EPHA3: variants seen among roughly 807,000 people sequenced by gnomAD.
EPHA3 encodes ephrin type-A receptor 3.
In EPHA3, 42 loss-of-function variants were observed where a neutral mutation model predicts 107.1. That is an observed-to-expected ratio of 0.39 (90% CI 0.31 to 0.51). EPHA3 has a LOEUF of 0.51. EPHA3 is among the 20% of genes least tolerant of loss of function. EPHA3 has a pLI of 0.78. For synonymous variants in EPHA3, 461 were observed against 424.8 expected (o/e 1.09, Z -1.05); for missense variants, 1,183 against 1,211.2 (o/e 0.98, Z 0.35).
At chr3:89,266,632 G>A (rs1266595484) in intron 3 of EPHA3, among the ~76,000 whole-genome samples, 11 of 151,532 alleles carry the variant, frequency 7.3e-5, no homozygotes, top group East Asian at 1.9e-4. Flanking sequence ...TAGCATATTC[G>A]GTCATCATTG....
intron 2 of EPHA3, among the ~76,000 whole-genome samples, chr3:89,138,222 T>A (rs1009763442): frequency 2.0e-5 from 3 of 151,864 alleles, no homozygotes; most frequent in African/African-American, 7.2e-5. Context: ...AAAAGACGCG[T>A]TTCCCTGGCA....
In EPHA3 at chr3:89,204,499, CA is replaced by C. The variant is rs1442263427; in HGVS notation, c.154-5360del. On this transcript the variant is annotated intron_variant, in intron 2 of 16. Transcript: ENST00000336596. The stretch of plus-strand genomic sequence containing the variant: ...GACACACCACACACACACACACACA[CA>C]CACACACCCCAAACAAAAAAACAAT... Among the ~76,000 whole-genome samples, 31 of 113,798 alleles carry C rather than the reference CA, an allele frequency of 2.7e-4. No homozygotes were observed. In the South Asian group the frequency reaches 3.4e-3, roughly 12 times the overall value. The allele number at this position is 113,798 out of a possible 152,430, so 74.7% of individuals were successfully genotyped here.
chr3:89,408,364 G>A (rs1208850270), intron 9 of EPHA3, among the ~76,000 whole-genome samples: 1 of 152,072 alleles, frequency 6.6e-6, no homozygotes, highest in African/African-American at 2.4e-5. Context: ...GTAATCTGTG[G>A]TTTACATTCA....
intron 3 of EPHA3, among the ~76,000 whole-genome samples, chr3:89,277,275 C>A (rs545796540): frequency 1.3e-5 from 2 of 151,930 alleles, no homozygotes; most frequent in Non-Finnish European, 2.9e-5. Flanking sequence ...GAGAAATATA[C>A]GTTTAAAGAA....
At position 89,351,589 on chromosome 3, in the gene EPHA3, C is replaced by T. The variant is rs188043106; in HGVS notation, c.1306+9499C>T. Among the ~76,000 whole-genome samples the T allele has an allele frequency of 1.5e-3, 232 of 150,648 alleles. 5 individuals are homozygous for T. The East Asian group carries it at 0.02, about 13-fold the overall frequency. Reference sequence around the variant, plus strand: ...AATCACCCGTCTTCTGCGTCGCTCACGCTGGGAGCTGTAGACCGGAGCTGT... The same window carrying T: ...AATCACCCGTCTTCTGCGTCGCTCATGCTGGGAGCTGTAGACCGGAGCTGT... On this transcript the variant is annotated intron_variant, in intron 5 of 16. Coordinates refer to ENST00000336596, the MANE Select transcript of EPHA3 (RefSeq NM_005233.6).
chr3:89,475,930 T>TG (rs1553697633), intron 16 of EPHA3, among the ~76,000 whole-genome samples: 5,151 of 151,878 alleles, frequency 0.034, 291 homozygotes, highest in African/African-American at 0.12. Flanking sequence ...ATTTTGGACA[T>TG]GCAGAGTAGT....
chr3:89,250,144 AC>A (rs2107261489), intron 3 of EPHA3, among the ~76,000 whole-genome samples: 1 of 152,350 alleles, frequency 6.6e-6, no homozygotes, highest in African/African-American at 2.4e-5. Context: ...AAGGACGGTC[AC>A]TTTTGATTTA....
chr3:89,168,710 G>T (rs1253190065), intron 2 of EPHA3, among the ~76,000 whole-genome samples: 2 of 151,920 alleles, frequency 1.3e-5, no homozygotes, highest in African/African-American at 4.8e-5. Context: ...ATGATAATTA[G>T]TAATTTTTTC....
At chr3:89,222,390 CAT>C (rs1212629516) in intron 3 of EPHA3, among the ~76,000 whole-genome samples, 3 of 146,508 alleles carry the variant, frequency 2.0e-5, no homozygotes, top group African/African-American at 5.0e-5. Flanking sequence ...TATACACACA[CAT>C]ATATACATAT....
chr3:89,163,943 T>A (rs1253259839), intron 2 of EPHA3, among the ~76,000 whole-genome samples: 12 of 152,226 alleles, frequency 7.9e-5, no homozygotes. Context: ...TCTTTAAATC[T>A]GATTGTGCCT....
chr3:89,399,455 G>A lies in EPHA3; in HGVS notation c.1569G>A (p.Lys523=), dbSNP rs1384804577. 4 of 1,614,034 alleles carry A rather than the reference G, an allele frequency of 2.5e-6. No homozygotes were observed. The highest frequency in any genetic ancestry group is 3.4e-6 in the Non-Finnish European group (4 of 1,180,040). ...TAAGYGTNSR[K]FEFETSPDSF... is the part of the protein sequence containing the mutation. ...CTGGATATGGGACGAACAGCCGCAAGTTTGAGTTTGAAACTAGTCCAGACT... is the reference window on the plus strand; with the variant it reads ...CTGGATATGGGACGAACAGCCGCAAATTTGAGTTTGAAACTAGTCCAGACT... Residue 523 remains lysine, a synonymous_variant, in exon 7 of 17, where the codon AAG becomes AAA. Coordinates refer to ENST00000336596, the MANE Select transcript of EPHA3 (RefSeq NM_005233.6).
At chr3:89,361,673 G>T (rs1303882054) in intron 5 of EPHA3, among the ~76,000 whole-genome samples, 3 of 151,054 alleles carry the variant, frequency 2.0e-5, no homozygotes, top group African/African-American at 7.3e-5. Context: ...GTTTCCTGGA[G>T]CTAAGACGAA....
At chr3:89,411,982 A>G (rs1352348221) in intron 9 of EPHA3, among the ~76,000 whole-genome samples, 2 of 151,914 alleles carry the variant, frequency 1.3e-5, no homozygotes, top group African/African-American at 4.8e-5. Context: ...ATTCTGTGCT[A>G]AAACACACTA....
At position 89,163,627 on chromosome 3, in the gene EPHA3, G is replaced by T. The variant is rs549285664; in HGVS notation, c.153+36354G>T. On this transcript the variant is annotated intron_variant, in intron 2 of 16. Transcript: ENST00000336596. The stretch of plus-strand genomic sequence containing the variant: ...ATGAAACTTTGTAAATAAACTAAAT[G>T]AATACTAGTTGTGAGTATCTTAACT... Among the ~76,000 whole-genome samples, 5 of 152,234 alleles carry T rather than the reference G, an allele frequency of 3.3e-5. No individual in the cohort carries two copies. In the South Asian group the frequency reaches 1.0e-3, roughly 32 times the overall value.
intron 1 of EPHA3, among the ~76,000 whole-genome samples, chr3:89,120,975 C>T (rs573140679): frequency 1.3e-5 from 2 of 152,182 alleles, no homozygotes; most frequent in Non-Finnish European, 2.9e-5. Context: ...CACGGTGGCT[C>T]ACACCTGTAA....
intron 5 of EPHA3, among the ~76,000 whole-genome samples, chr3:89,351,540 C>T (rs1382657220): frequency 2.0e-5 from 3 of 150,522 alleles, no homozygotes; most frequent in East Asian, 2.0e-4. Flanking sequence ...GAGATGAACC[C>T]GGTACCTCAG....
intron 3 of EPHA3, among the ~76,000 whole-genome samples, chr3:89,278,484 C>A (rs1705864003): frequency 6.6e-6 from 1 of 152,130 alleles, no homozygotes; most frequent in Non-Finnish European, 1.5e-5. Flanking sequence ...GCTAAACAAT[C>A]CAGTGTTTCA....
intron 2 of EPHA3, among the ~76,000 whole-genome samples, chr3:89,183,149 A>C (rs1705483653): frequency 1.3e-5 from 2 of 152,000 alleles, no homozygotes; most frequent in African/African-American, 4.8e-5. Flanking sequence ...ATAATTATTG[A>C]GTTCCTACTA....
chr3:89,192,785 C>A (rs977596721), intron 2 of EPHA3, among the ~76,000 whole-genome samples: 1 of 151,964 alleles, frequency 6.6e-6, no homozygotes, highest in Non-Finnish European at 1.5e-5. Flanking sequence ...CTGAAGAATT[C>A]TCTGGAGACA....
Sources: gnomAD v4.1 joint callset for allele counts (sites outside exome capture counted in the v4.1 genomes callset) on GRCh38, gnomAD v4.1.1 for gene constraint, MANE v1.5 for transcripts, NCBI Gene and HGNC (gene_info 2026-07-23, HGNC 2026-07-21) for gene names.